Variants in LOC122539214 observed in about 807,000 individuals in gnomAD.
the LOC122539214 span, among the ~76,000 whole-genome samples, chr19:52,683,366 C>T: frequency 4.6e-5 from 7 of 152,174 alleles, no homozygotes; most frequent in African/African-American, 1.7e-4. Context: ...CCTCGGGCTG[C>T]AGTTCACTGT....
chr19:52,680,106 G>A, the LOC122539214 span, among the ~76,000 whole-genome samples: 1 of 152,064 alleles, frequency 6.6e-6, no homozygotes, highest in South Asian at 2.1e-4. Flanking sequence ...TTGAACCTTG[G>A]AGACAGAGGT....
chr19:52,663,065 A>G, the LOC122539214 span, among the ~76,000 whole-genome samples: 42,297 of 151,856 alleles, frequency 0.28, 6,103 homozygotes, highest in Middle Eastern at 0.36. Context: ...TGGGAGGCTG[A>G]CCAGGGAGGA....
chr19:52,671,998 C>T, the LOC122539214 span, among the ~76,000 whole-genome samples: 7 of 151,978 alleles, frequency 4.6e-5, no homozygotes, highest in African/African-American at 9.7e-5. Flanking sequence ...TTTGGGAGGT[C>T]GAGGCAGGTG....
chr19:52,677,906 G>A, the LOC122539214 span, among the ~76,000 whole-genome samples: 2 of 151,314 alleles, frequency 1.3e-5, no homozygotes, highest in South Asian at 2.1e-4. Flanking sequence ...ATGGTGGCAC[G>A]TGCCCATCAT....
chr19:52,671,642 T>C, the LOC122539214 span, among the ~76,000 whole-genome samples: 4 of 152,202 alleles, frequency 2.6e-5, no homozygotes, highest in East Asian at 5.8e-4. Context: ...GTGGTCCCAC[T>C]ATGATGCTCA....
At chr19:52,674,706 G>A in the LOC122539214 span, among the ~76,000 whole-genome samples, 12 of 152,100 alleles carry the variant, frequency 7.9e-5, no homozygotes, top group African/African-American at 2.9e-4. Context: ...AGGAATAAAC[G>A]TAAAAATGCG....
the LOC122539214 span, among the ~76,000 whole-genome samples, chr19:52,662,768 G>C: frequency 6.6e-6 from 1 of 152,112 alleles, no homozygotes; most frequent in East Asian, 1.9e-4. Flanking sequence ...ATTTCACCAA[G>C]TTATCCAGAG....
the LOC122539214 span, among the ~76,000 whole-genome samples, chr19:52,682,403 T>A: frequency 1.3e-5 from 2 of 151,866 alleles, no homozygotes; most frequent in African/African-American, 4.8e-5. Context: ...CTGGAAGTGG[T>A]GGCTCATGCC....
At chr19:52,688,422 CCT>C in the LOC122539214 span, among the ~76,000 whole-genome samples, 1 of 151,886 alleles carries the variant, frequency 6.6e-6, no homozygotes. Context: ...AATCCCCCTG[CCT>C]CAGTCTTCTA....
chr19:52,655,531 T>A, the LOC122539214 span: 1 of 1,456,746 alleles, frequency 6.9e-7, no homozygotes. Flanking sequence ...AAGGGCAGAT[T>A]CCTCACATCA....
the LOC122539214 span, among the ~76,000 whole-genome samples, chr19:52,680,238 G>A: frequency 1.3e-5 from 2 of 152,064 alleles, no homozygotes. Context: ...CACATAACCA[G>A]GCAGAGCCAA....
At chr19:52,681,133 A>C in the LOC122539214 span, among the ~76,000 whole-genome samples, 1 of 151,752 alleles carries the variant, frequency 6.6e-6, no homozygotes, top group East Asian at 2.0e-4. Flanking sequence ...AAAAATATAA[A>C]AAGTAGCCAG....
chr19:52,690,178 T>A, the LOC122539214 span, among the ~76,000 whole-genome samples: 1 of 99,768 alleles, frequency 1.0e-5, no homozygotes, highest in Non-Finnish European at 2.0e-5. Context: ...GAAAATGATT[T>A]TGAGAAAAAA....
chr19:52,667,056 T>C, the LOC122539214 span, among the ~76,000 whole-genome samples: 25 of 152,268 alleles, frequency 1.6e-4, no homozygotes, highest in South Asian at 5.0e-3. Flanking sequence ...GTCTTATTAA[T>C]AGCAAAGAAT....
the LOC122539214 span, among the ~76,000 whole-genome samples, chr19:52,680,903 C>T: frequency 6.6e-5 from 10 of 151,774 alleles, no homozygotes; most frequent in East Asian, 2.0e-4. Context: ...TGAGCCACCG[C>T]GCCCGGCCTC....
At chr19:52,676,486 C>T in the LOC122539214 span, among the ~76,000 whole-genome samples, 9 of 151,868 alleles carry the variant, frequency 5.9e-5, no homozygotes, top group Admixed American at 1.3e-4. Context: ...CTAGCCTCCC[C>T]GTCCGGGAGG....
chr19:52,652,142 G>T, the LOC122539214 span: 1 of 226,230 alleles, frequency 4.4e-6, no homozygotes. Context: ...TGAATGTAAA[G>T]TAAAGACATT....
At chr19:52,680,819 A>T in the LOC122539214 span, among the ~76,000 whole-genome samples, 1 of 149,744 alleles carries the variant, frequency 6.7e-6, no homozygotes, top group African/African-American at 2.5e-5. Flanking sequence ...TCACCGTGTT[A>T]GCCAGGATGG....
the LOC122539214 span, among the ~76,000 whole-genome samples, chr19:52,664,568 C>T: frequency 0.2 from 30,108 of 152,006 alleles, 3,733 homozygotes; most frequent in Non-Finnish European, 0.26. Flanking sequence ...CCAATTAACA[C>T]GAACTTTTAA....
Sources: allele counts gnomAD v4.1 joint callset (sites outside exome capture counted in the v4.1 genomes callset), GRCh38; gene constraint gnomAD v4.1.1; transcripts MANE v1.5.